The following DENND5B variants were observed in gnomAD, a reference collection of about 807,000 sequenced individuals.
DENND5B encodes DENN domain-containing protein 5B.
A neutral mutation model predicts 140.6 loss-of-function variants in DENND5B; 34 were observed. That is an observed-to-expected ratio of 0.24 (90% CI 0.18 to 0.32). The LOEUF (loss-of-function observed/expected upper bound fraction) is 0.32, where lower values mean the gene tolerates loss of function less well. Ranked by LOEUF, DENND5B falls within the 10% of genes least tolerant of loss-of-function variation. The pLI, the probability that DENND5B is intolerant of heterozygous loss-of-function variation, is 1.00. For synonymous variants in DENND5B, 551 were observed against 562.1 expected, an observed-to-expected ratio of 0.98 and a Z score of 0.28; for missense variants, 1,142 against 1,560.2, an observed-to-expected ratio of 0.73 and a Z score of 4.52.
rs774002742 is a variant in DENND5B at position 31,392,647 on chromosome 12, A to G, written c.3306T>C (p.Asn1102=). Residue 1102 remains asparagine (N), a synonymous_variant, in exon 18 of 21, where the codon AAT becomes AAC. Coordinates refer to ENST00000389082, the MANE Select transcript of DENND5B (RefSeq NM_144973.4). The stretch of plus-strand genomic sequence containing the variant: ...CAGGTTTATGAAAATGTTTCACAAT[A>G]TTGTTCACAGCTTCTCCAATTCCTT... ...IQEGIGEAVN[N]IVKHFHKPEK... 4 of 1,558,428 alleles carry G rather than the reference A, an allele frequency of 2.6e-6. No homozygotes were observed. The African/African-American group carries it at 5.4e-5, about 21-fold the overall frequency.
chr12:31,492,642 T>C (rs566748268), intron 2 of DENND5B, among the ~76,000 whole-genome samples: 94 of 152,368 alleles, frequency 6.2e-4, no homozygotes, highest in Non-Finnish European at 1.2e-3. Flanking sequence ...TTGTGATCTA[T>C]TCATATTCTT....
chr12:31,407,127 AATTT>A (rs1250688515), intron 14 of DENND5B, among the ~76,000 whole-genome samples: 15 of 150,752 alleles, frequency 1.0e-4, no homozygotes, highest in East Asian at 1.9e-4. Flanking sequence ...TTAATTAATT[AATTT>A]ATTTATTTAT....
At chr12:31,459,076 G>T (rs1213933116) in intron 4 of DENND5B, among the ~76,000 whole-genome samples, 1 of 152,092 alleles carries the variant, frequency 6.6e-6, no homozygotes, top group Non-Finnish European at 1.5e-5. Flanking sequence ...GCTGGGCGTG[G>T]TGGTGCATGC....
At chr12:31,496,308 C>G (rs1339854411) in intron 1 of DENND5B, among the ~76,000 whole-genome samples, 1 of 152,108 alleles carries the variant, frequency 6.6e-6, no homozygotes, top group Admixed American at 6.6e-5. Flanking sequence ...AAATTTTATA[C>G]ACACTTAGAC....
rs375454592 is a variant in DENND5B, at chr12:31,480,482, T to A, written c.238-227A>T. 9.8e-5 allele frequency among the ~76,000 whole-genome samples: 15 copies of A among 152,362 alleles called. No homozygotes were observed. The East Asian group carries it at 2.7e-3, about 27-fold the overall frequency. ...CAAGGGAAAAACTTTTACTGTGTGATGTTACATGCAAGGGGCTTTACTAAG... is the reference window on the plus strand; with the variant it reads ...CAAGGGAAAAACTTTTACTGTGTGAAGTTACATGCAAGGGGCTTTACTAAG... On this transcript the variant is annotated intron_variant, in intron 2 of 20. Coordinates refer to ENST00000389082, the MANE Select transcript of DENND5B (RefSeq NM_144973.4).
rs1403368999 is a variant in DENND5B at position 31,551,938 on chromosome 12, T to C, written c.127+38768A>G. Among the ~76,000 whole-genome samples the C allele has an allele frequency of 2.0e-5, 3 of 152,266 alleles. No homozygotes were observed. The East Asian group carries it at 5.8e-4, about 29-fold the overall frequency. The stretch of plus-strand genomic sequence containing the variant: ...TTGTATCCTGAGACTTTGCTGAAGT[T>C]GCTTATCAGCTTAAGGAGATTTTGG... On this transcript the variant is annotated intron_variant, in intron 1 of 20. Transcript: ENST00000389082.
intron 1 of DENND5B, among the ~76,000 whole-genome samples, chr12:31,536,340 C>G (rs926937017): frequency 1.3e-5 from 2 of 152,000 alleles, no homozygotes; most frequent in Non-Finnish European, 2.9e-5. Context: ...AGAAGGAGTT[C>G]AGAATTCTAT....
chr12:31,424,616 G>A lies in DENND5B; in HGVS notation c.2310C>T (p.Thr770=), dbSNP rs199919973. The change falls in exon 10 of 21, where the codon ACC becomes ACT. Residue 770 remains threonine (T), a synonymous_variant. Coordinates refer to ENST00000389082, the MANE Select transcript of DENND5B (RefSeq NM_144973.4). ...CGATCAAGGTGTTCTCCTCCAGGCC[G>A]GTGATGTTTGCTTCTCCATGGCCAA... ...VELGHGEANI[T]GLEENTLIAS... 171 of 1,613,846 alleles carry A rather than the reference G, an allele frequency of 1.1e-4. 1 individual carries two copies. The East Asian group carries it at 2.5e-3, about 24-fold the overall frequency.
intron 13 of DENND5B, among the ~76,000 whole-genome samples, chr12:31,412,678 C>A (rs1390957388): frequency 6.6e-6 from 1 of 152,174 alleles, no homozygotes; most frequent in African/African-American, 2.4e-5. Context: ...GGGCTGGGAA[C>A]CCTTGCCCTA....
intron 1 of DENND5B, among the ~76,000 whole-genome samples, chr12:31,568,315 C>T (rs1353952752): frequency 6.6e-6 from 1 of 152,144 alleles, no homozygotes; most frequent in African/African-American, 2.4e-5. Flanking sequence ...ATTCCAAAAT[C>T]TGAAAAAACA....
chr12:31,553,561 T>C (rs1228674088), intron 1 of DENND5B, among the ~76,000 whole-genome samples: 1 of 152,210 alleles, frequency 6.6e-6, no homozygotes, highest in Non-Finnish European at 1.5e-5. Flanking sequence ...TGGAGAGTTC[T>C]GTAGATGTCT....
chr12:31,573,006 G>GCTTTAGCTTTAA (rs1949877970), intron 1 of DENND5B, among the ~76,000 whole-genome samples: 1 of 152,122 alleles, frequency 6.6e-6, no homozygotes, highest in Admixed American at 6.5e-5. Context: ...ATCTTTTAAA[G>GCTTTAGCTTTAA]GACCTTAAAG....
intron 9 of DENND5B, among the ~76,000 whole-genome samples, chr12:31,425,921 T>C (rs978048946): frequency 5.3e-5 from 8 of 152,208 alleles, no homozygotes; most frequent in African/African-American, 1.9e-4. Context: ...ACAAAAACCA[T>C]GTACAGGCAC....
At chr12:31,394,350 G>A (rs1023675685) in intron 17 of DENND5B, among the ~76,000 whole-genome samples, 2 of 151,892 alleles carry the variant, frequency 1.3e-5, no homozygotes, top group Admixed American at 1.3e-4. Flanking sequence ...CTTATAGCAT[G>A]AGAAAAGAAA....
chr12:31,505,878 A>T (rs1947182315), intron 1 of DENND5B, among the ~76,000 whole-genome samples: 1 of 152,088 alleles, frequency 6.6e-6, no homozygotes, highest in African/African-American at 2.4e-5. Context: ...GTTGTTGTCC[A>T]GGCTGGAGTT....
chr12:31,561,166 C>T (rs150031392), intron 1 of DENND5B, among the ~76,000 whole-genome samples: 164 of 152,220 alleles, frequency 1.1e-3, no homozygotes, highest in African/African-American at 3.5e-3. Flanking sequence ...AGGATCTGTC[C>T]GAGTCACAGA....
intron 2 of DENND5B, among the ~76,000 whole-genome samples, chr12:31,492,921 A>G (rs774810545): frequency 9.2e-5 from 14 of 152,278 alleles, no homozygotes; most frequent in Non-Finnish European, 1.6e-4. Flanking sequence ...TTAGTATTGT[A>G]TAACAGTTTA....
At chr12:31,590,551 T>C (rs1950584089) in intron 1 of DENND5B, 155 bp downstream of exon 1, 1 of 941,808 alleles carries the variant, frequency 1.1e-6, no homozygotes, top group African/African-American at 1.8e-5. Flanking sequence ...ACAATGTCAT[T>C]AAATCGCGCC....
intron 2 of DENND5B, among the ~76,000 whole-genome samples, chr12:31,480,834 T>C (rs1282685509): frequency 6.6e-6 from 1 of 152,152 alleles, no homozygotes; most frequent in Non-Finnish European, 1.5e-5. Flanking sequence ...ACTTTGGAAA[T>C]TGAAAGCTTT....
Sources: allele counts gnomAD v4.1 joint callset (sites outside exome capture counted in the v4.1 genomes callset), GRCh38; gene constraint gnomAD v4.1.1; transcripts MANE v1.5; gene names NCBI Gene and HGNC (gene_info 2026-07-23, HGNC 2026-07-21).